MAML3: variants seen among roughly 807,000 people sequenced by gnomAD.
MAML3 encodes the protein mastermind-like protein 3.
In MAML3, 27 loss-of-function variants were observed where a neutral mutation model predicts 101.9. The ratio of observed to expected loss-of-function variants is 0.27; its 90% CI spans 0.20 to 0.37. The LOEUF is 0.37. MAML3 is among the 10% of genes least tolerant of loss of function. The pLI is 1.00. For missense variants in MAML3, 1,316 were observed against 1,444.9 expected (o/e 0.91, Z 1.45); for synonymous variants, 501 against 555.9 (o/e 0.90, Z 1.39).
intron 1 of MAML3, among the ~76,000 whole-genome samples, chr4:139,946,889 C>CCACACACACACA (rs544250515): frequency 3.6e-4 from 46 of 126,904 alleles, no homozygotes; most frequent in East Asian, 8.5e-4. Context: ...GCAGAGTAAG[C>CCACACACACACA]CACACACACA....
Position 139,821,145 on chromosome 4 carries a change from T to C in MAML3, c.2079+68212A>G, listed in dbSNP as rs1194571340. Among the ~76,000 whole-genome samples, 5 of 152,224 alleles carry C rather than the reference T, an allele frequency of 3.3e-5. No individual in the cohort carries two copies. In the East Asian group the frequency reaches 9.6e-4, roughly 29 times the overall value. ...TATTTTTCTGTCTGTATGGAGCCGA[T>C]CACTAAGTTTCCATTCAAATTAATT... On this transcript the variant is annotated intron_variant, in intron 2 of 4. Coordinates refer to ENST00000509479, the MANE Select transcript of MAML3 (RefSeq NM_018717.5).
chr4:139,830,023 C>G (rs1731133331), intron 2 of MAML3, among the ~76,000 whole-genome samples: 1 of 152,180 alleles, frequency 6.6e-6, no homozygotes, highest in African/African-American at 2.4e-5. Context: ...CTTTTGTTAG[C>G]TCTCTAGAGG....
chr4:139,814,551 C>A (rs1452640748), intron 2 of MAML3, among the ~76,000 whole-genome samples: 4 of 152,234 alleles, frequency 2.6e-5, no homozygotes, highest in Non-Finnish European at 2.9e-5. Context: ...TCCCACAGAT[C>A]TGTGCCCAAG....
At chr4:139,910,489 GGT>G (rs1732897542) in intron 1 of MAML3, among the ~76,000 whole-genome samples, 1 of 148,720 alleles carries the variant, frequency 6.7e-6, no homozygotes, top group South Asian at 2.1e-4. Context: ...TAAATACTGA[GGT>G]ATTTATTTTT....
At chr4:140,132,500 G>A (rs1192522050) in intron 1 of MAML3, among the ~76,000 whole-genome samples, 1 of 152,184 alleles carries the variant, frequency 6.6e-6, no homozygotes, top group Non-Finnish European at 1.5e-5. Context: ...GGACTTTGGG[G>A]AGGCTATTAG....
At chr4:139,844,435 T>C (rs925875170) in intron 2 of MAML3, among the ~76,000 whole-genome samples, 1 of 152,196 alleles carries the variant, frequency 6.6e-6, no homozygotes, top group Non-Finnish European at 1.5e-5. Flanking sequence ...TGTCTTTTTC[T>C]TGGCACAGAG....
chr4:139,915,496 T>C (rs1264932893), intron 1 of MAML3, among the ~76,000 whole-genome samples: 2 of 152,208 alleles, frequency 1.3e-5, no homozygotes, highest in African/African-American at 4.8e-5. Context: ...TGGGCAGAAC[T>C]TGCCCTAACC....
intron 1 of MAML3, among the ~76,000 whole-genome samples, chr4:140,086,231 G>A (rs955465183): frequency 2.0e-5 from 3 of 152,168 alleles, no homozygotes; most frequent in African/African-American, 2.4e-5. Context: ...TCCACCATCC[G>A]CACATAGGCG....
At chr4:139,894,338 G>A (rs1008721719) in intron 1 of MAML3, among the ~76,000 whole-genome samples, 11 of 151,928 alleles carry the variant, frequency 7.2e-5, no homozygotes, top group Non-Finnish European at 1.5e-4. Flanking sequence ...GTGAAACCCC[G>A]TCTCTACTAA....
At chr4:139,743,985 T>C (rs1729239671) in intron 2 of MAML3, among the ~76,000 whole-genome samples, 1 of 152,204 alleles carries the variant, frequency 6.6e-6, no homozygotes, top group South Asian at 2.1e-4. Flanking sequence ...GCCATGGTCA[T>C]TGTCACTAAC....
chr4:139,858,471 T>C (rs895361154), intron 2 of MAML3, among the ~76,000 whole-genome samples: 3 of 103,430 alleles, frequency 2.9e-5, no homozygotes, highest in Admixed American at 9.5e-5. Context: ...TTTTTTTTTT[T>C]TGCAATGCCA....
Position 139,735,664 on chromosome 4 carries a change from G to T in MAML3, c.2080-4997C>A, listed in dbSNP as rs1728909600. 6.6e-6 allele frequency among the ~76,000 whole-genome samples: 1 copy of T among 152,202 alleles called. No homozygotes were observed. On this transcript the variant is annotated intron_variant, in intron 2 of 4. Transcript: ENST00000509479. The surrounding 1 kb of genome is among the most constrained non-coding windows in gnomAD (Gnocchi z 5.8). Reference sequence around the variant, plus strand: ...ACGAACAACCTAAATGAAATTTAGGGTTTTATTGAAAAAGTCCCCTGGGGC... The same window carrying T: ...ACGAACAACCTAAATGAAATTTAGGTTTTTATTGAAAAAGTCCCCTGGGGC...
chr4:139,725,193 C>T (rs1728419035), intron 4 of MAML3, among the ~76,000 whole-genome samples: 1 of 152,318 alleles, frequency 6.6e-6, no homozygotes, highest in African/African-American at 2.4e-5. Context: ...CAAACGGCTA[C>T]AGGATCAGTT....
At chr4:139,985,558 C>G (rs886121345) in intron 1 of MAML3, among the ~76,000 whole-genome samples, 1 of 152,214 alleles carries the variant, frequency 6.6e-6, no homozygotes, top group Non-Finnish European at 1.5e-5. Flanking sequence ...GAAACTTGCC[C>G]AACTAACTTG....
intron 1 of MAML3, among the ~76,000 whole-genome samples, chr4:139,968,407 T>C (rs1269450193): frequency 6.6e-6 from 1 of 151,814 alleles, no homozygotes; most frequent in East Asian, 1.9e-4. Context: ...TAAACAACAC[T>C]AGGGACTCAA....
chr4:139,989,297 C>T (rs1307325290), intron 1 of MAML3, among the ~76,000 whole-genome samples: 1 of 152,106 alleles, frequency 6.6e-6, no homozygotes, highest in Non-Finnish European at 1.5e-5. Flanking sequence ...GCTACAAGGG[C>T]ACTGTAAGAA....
intron 2 of MAML3, among the ~76,000 whole-genome samples, chr4:139,829,023 ACGG>A (rs1313409272): frequency 6.2e-4 from 48 of 77,216 alleles, no homozygotes; most frequent in South Asian, 2.8e-3. Flanking sequence ...GGAAGGAAGG[ACGG>A]ACGGACGGAC....
chr4:139,830,408 CTA>C lies in MAML3; in HGVS notation c.2079+58947_2079+58948del, dbSNP rs1404410839. On this transcript the variant is annotated intron_variant, in intron 2 of 4. Transcript: ENST00000509479. The stretch of plus-strand genomic sequence containing the variant: ...TCAATAAATACTTTTGCACGCTGTG[CTA>C]TTTTTTTTTTTTTTTTTTTTTTGAG... Among the ~76,000 whole-genome samples the C allele has an allele frequency of 1.5e-3, 215 of 143,578 alleles. 2 individuals carry two copies. The highest frequency in any genetic ancestry group is 5.6e-3 in the African/African-American group (201 of 35,622). 94.2% of individuals were successfully genotyped at this position (143,578 alleles called of 152,430 possible). A position where few individuals can be genotyped will look rare whatever the true frequency, so the allele number is the denominator to read the frequency against.
chr4:139,908,473 T>C (rs1732858779), intron 1 of MAML3, among the ~76,000 whole-genome samples: 1 of 152,246 alleles, frequency 6.6e-6, no homozygotes, highest in South Asian at 2.1e-4. Context: ...ATAAGGGGAA[T>C]GTTTAACCTA....
Sources: allele counts gnomAD v4.1 joint callset (sites outside exome capture counted in the v4.1 genomes callset), GRCh38; gene constraint gnomAD v4.1.1; non-coding constraint Gnocchi (gnomAD v3.1); transcripts MANE v1.5; gene names NCBI Gene and HGNC (gene_info 2026-07-23, HGNC 2026-07-21).